UCK2: variants seen among roughly 807,000 people sequenced by gnomAD.
The protein encoded by UCK2 is cytidine monophosphokinase 2.
Under a neutral mutation model 30.8 loss-of-function variants are expected in UCK2, and 6 were observed. The ratio of observed to expected loss-of-function variants is 0.19; its 90% CI spans 0.11 to 0.38. UCK2 has a LOEUF of 0.38. Ranked by LOEUF, UCK2 falls within the 10% of genes least tolerant of loss-of-function variation. The probability of loss-of-function intolerance (pLI) is 1.00; values close to 1 mark genes in which losing one functional copy is unlikely to be tolerated. For synonymous variants in UCK2, 125 were observed against 133.6 expected (o/e 0.94, Z 0.45); for missense variants, 210 against 339.8 (o/e 0.62, Z 3.00).
intron 1 of UCK2, among the ~76,000 whole-genome samples, chr1:165,879,548 A>ATTATTATTATTG (rs1366836134): frequency 6.7e-6 from 1 of 149,188 alleles, no homozygotes; most frequent in African/African-American, 2.5e-5. Flanking sequence ...TTTGCTTTTT[A>ATTATTATTATTG]TTATTATTAT....
At chr1:165,861,754 A>G (rs905407604) in intron 1 of UCK2, among the ~76,000 whole-genome samples, 2 of 151,902 alleles carry the variant, frequency 1.3e-5, no homozygotes, top group Non-Finnish European at 2.9e-5. Flanking sequence ...AGATGAAGGA[A>G]CTCAGGTTAA....
At chr1:165,892,334 G>A (rs1433676175) in intron 3 of UCK2, among the ~76,000 whole-genome samples, 3 of 151,990 alleles carry the variant, frequency 2.0e-5, no homozygotes, top group Non-Finnish European at 4.4e-5. Context: ...GGCTGGGAGA[G>A]TGAAGGCCTG....
intron 1 of UCK2, among the ~76,000 whole-genome samples, chr1:165,879,391 T>C (rs1655421488): frequency 6.6e-6 from 1 of 152,168 alleles, no homozygotes; most frequent in Non-Finnish European, 1.5e-5. Flanking sequence ...GAAAAGGCTG[T>C]CCTTCCTCCA....
intron 1 of UCK2, among the ~76,000 whole-genome samples, chr1:165,857,873 T>C (rs1654790830): frequency 6.6e-6 from 1 of 152,276 alleles, no homozygotes; most frequent in South Asian, 2.1e-4. Flanking sequence ...CAGTGTTTAC[T>C]GCACCCCATA....
chr1:165,844,179 A>G (rs1483774427), intron 1 of UCK2, among the ~76,000 whole-genome samples: 1 of 152,188 alleles, frequency 6.6e-6, no homozygotes, highest in Admixed American at 6.5e-5. Flanking sequence ...GAGTCCAAAA[A>G]ACCTACTCTG....
intron 3 of UCK2, chr1:165,895,929 T>A (rs1655886621): frequency 5.5e-6 from 2 of 361,168 alleles, no homozygotes; most frequent in Non-Finnish European, 9.9e-6. Context: ...AGGAGAAGGA[T>A]GTCTGCCGTG....
At chr1:165,886,403 T>C (rs1421265850) in intron 1 of UCK2, among the ~76,000 whole-genome samples, 1 of 152,206 alleles carries the variant, frequency 6.6e-6, no homozygotes, top group Non-Finnish European at 1.5e-5. Flanking sequence ...CAAGCAGTCC[T>C]CCTGCCTTAG....
At chr1:165,867,327 C>G (rs1366592139) in intron 1 of UCK2, among the ~76,000 whole-genome samples, 1 of 152,164 alleles carries the variant, frequency 6.6e-6, no homozygotes, top group African/African-American at 2.4e-5. Flanking sequence ...TGAAGTTTGC[C>G]ACGTTGATTG....
intron 1 of UCK2, among the ~76,000 whole-genome samples, chr1:165,845,831 C>T (rs1654433404): frequency 6.6e-6 from 1 of 152,132 alleles, no homozygotes; most frequent in Non-Finnish European, 1.5e-5. Context: ...CCATGCCCAG[C>T]TAATTTTAAA....
chr1:165,857,035 A>T (rs897148815), intron 1 of UCK2, among the ~76,000 whole-genome samples: 1 of 151,958 alleles, frequency 6.6e-6, no homozygotes, highest in Non-Finnish European at 1.5e-5. Flanking sequence ...TTTCAACTCG[A>T]AGAAAGGACT....
intron 1 of UCK2, among the ~76,000 whole-genome samples, chr1:165,875,187 A>G (rs1246070123): frequency 6.6e-6 from 1 of 152,170 alleles, no homozygotes; most frequent in East Asian, 1.9e-4. Flanking sequence ...ATTAACACTT[A>G]TGGCCCATTT....
At position 165,851,251 on chromosome 1, in the gene UCK2, A is replaced by G. The variant is rs374104528; in HGVS notation, c.99+23319A>G. On this transcript the variant is annotated intron_variant, in intron 1 of 6. Transcript: ENST00000367879. ...AGACGGTTGTGAAAGGCACATTGTC[A>G]TGATGGTTTTTCTTTCTGTGGTTTA... 2.0e-4 allele frequency among the ~76,000 whole-genome samples: 31 copies of G among 152,300 alleles called. No homozygotes were observed. In the East Asian group the frequency reaches 5.2e-3, roughly 26 times the overall value.
chr1:165,834,392 G>A (rs1654131358), intron 1 of UCK2, among the ~76,000 whole-genome samples: 1 of 152,174 alleles, frequency 6.6e-6, no homozygotes, highest in African/African-American at 2.4e-5. Context: ...TGAGCCTTGG[G>A]AGGTTGAGGC....
intron 1 of UCK2, among the ~76,000 whole-genome samples, chr1:165,833,615 T>A (rs1348491112): frequency 6.6e-6 from 1 of 152,204 alleles, no homozygotes; most frequent in African/African-American, 2.4e-5. Context: ...TGCTTTCATG[T>A]CATTTCTTTG....
intron 1 of UCK2, among the ~76,000 whole-genome samples, chr1:165,852,755 G>C (rs1654629236): frequency 6.6e-6 from 1 of 152,184 alleles, no homozygotes; most frequent in Admixed American, 6.5e-5. Flanking sequence ...TTCTTCTGGA[G>C]TTGGGACAGG....
chr1:165,870,383 T>A (rs1313384476), intron 1 of UCK2, among the ~76,000 whole-genome samples: 1 of 150,082 alleles, frequency 6.7e-6, no homozygotes, highest in Admixed American at 6.7e-5. Context: ...GATGACAATT[T>A]TAATATGTGA....
intron 5 of UCK2, among the ~76,000 whole-genome samples, chr1:165,905,283 G>A (rs1271423640): frequency 1.3e-5 from 2 of 152,198 alleles, no homozygotes; most frequent in Non-Finnish European, 2.9e-5. Context: ...AGGAGTTTGA[G>A]ACCAGCCTGG....
At chr1:165,828,646 G>A (rs1233570541) in intron 1 of UCK2, among the ~76,000 whole-genome samples, 4 of 152,216 alleles carry the variant, frequency 2.6e-5, no homozygotes, top group Non-Finnish European at 5.9e-5. Flanking sequence ...TCGGTGTCCA[G>A]GACGTACGCG....
At chr1:165,904,415 A>AG (rs1019921933) in intron 5 of UCK2, among the ~76,000 whole-genome samples, 16 of 152,330 alleles carry the variant, frequency 1.1e-4, no homozygotes, top group African/African-American at 3.8e-4. Context: ...AAGAGACCAG[A>AG]GGGGGCTGAG....
Sources: allele counts gnomAD v4.1 joint callset (sites outside exome capture counted in the v4.1 genomes callset), GRCh38; gene constraint gnomAD v4.1.1; transcripts MANE v1.5; gene names NCBI Gene and HGNC (gene_info 2026-07-23, HGNC 2026-07-21).